The following CHIC1 variants were observed in gnomAD, a reference collection of about 807,000 sequenced individuals.
The protein encoded by CHIC1 is cysteine rich hydrophobic domain 1.
CHIC1 carries 7 observed loss-of-function variants against 18.5 expected under a neutral mutation model. The ratio of observed to expected loss-of-function variants is 0.38; its 90% CI spans 0.22 to 0.71. The LOEUF (loss-of-function observed/expected upper bound fraction) is 0.71. Among genes scored for constraint, CHIC1 ranks in the 30% least tolerant of loss-of-function variants. The pLI, the probability that CHIC1 is intolerant of heterozygous loss-of-function variation, is 0.49. For missense variants in CHIC1, 159 were observed against 176.9 expected (o/e 0.90, Z 0.57); for synonymous variants, 77 against 73.5 (o/e 1.05, Z -0.25).
chrX:73,577,285 G>A, intron 1 of CHIC1, 122 bp from the exon 2 acceptor site: 1 of 425,341 alleles, frequency 2.4e-6, no homozygotes, highest in Non-Finnish European at 3.9e-6. Context: ...AAATTTTTCA[G>A]GGCACATTTT....
intron 3 of CHIC1, among the ~76,000 whole-genome samples, chrX:73,613,642 A>G: frequency 8.9e-6 from 1 of 111,937 alleles, no homozygotes; most frequent in Non-Finnish European, 1.9e-5. Context: ...AGCAACACAA[A>G]TTGACTGGGA....
At chrX:73,665,005 C>T (rs1450011509) in intron 3 of CHIC1, among the ~76,000 whole-genome samples, 4 of 112,145 alleles carry the variant, frequency 3.6e-5, no homozygotes, top group African/African-American at 6.5e-5. Flanking sequence ...TGCTTTTTAT[C>T]TTTTTATAAA....
At chrX:73,595,864 A>G (rs187905304) in intron 3 of CHIC1, among the ~76,000 whole-genome samples, 21 of 111,458 alleles carry the variant, frequency 1.9e-4, no homozygotes, top group African/African-American at 5.5e-4. Context: ...AATGATCACC[A>G]TTCTAACTGG....
chrX:73,598,536 G>A (rs1262062289), intron 3 of CHIC1, among the ~76,000 whole-genome samples: 1 of 88,346 alleles, frequency 1.1e-5, no homozygotes, highest in African/African-American at 4.5e-5. Context: ...CTGTGTCCAT[G>A]TAATCTCATT....
intron 3 of CHIC1, among the ~76,000 whole-genome samples, chrX:73,651,594 C>T (rs745875161): frequency 3.1e-4 from 34 of 110,711 alleles, no homozygotes; most frequent in Non-Finnish European, 1.3e-4. Flanking sequence ...AATAGACAAG[C>T]AGAAAGCCAA....
intron 3 of CHIC1, among the ~76,000 whole-genome samples, chrX:73,675,391 C>G (rs941818195): frequency 1.8e-5 from 2 of 111,569 alleles, no homozygotes; most frequent in African/African-American, 6.5e-5. Context: ...TCACTAAGGA[C>G]TTGATTTATG....
intron 3 of CHIC1, among the ~76,000 whole-genome samples, chrX:73,585,615 C>A (rs1376292191): frequency 9.0e-6 from 1 of 111,310 alleles, no homozygotes; most frequent in Non-Finnish European, 1.9e-5. Context: ...CCTACCCATC[C>A]CTATTATTTT....
chrX:73,657,339 G>A (rs763846034), intron 3 of CHIC1, among the ~76,000 whole-genome samples: 6 of 111,354 alleles, frequency 5.4e-5, no homozygotes, highest in African/African-American at 9.8e-5. Flanking sequence ...GATTACAGGC[G>A]TGAGCCACTG....
chrX:73,597,579 A>G (rs1041827585), intron 3 of CHIC1, among the ~76,000 whole-genome samples: 4 of 106,343 alleles, frequency 3.8e-5, no homozygotes, highest in Admixed American at 1.0e-4. Flanking sequence ...AATTATATAT[A>G]TACATATATA....
chrX:73,597,283 T>C (rs748522261), intron 3 of CHIC1, among the ~76,000 whole-genome samples: 1 of 111,796 alleles, frequency 8.9e-6, no homozygotes, highest in East Asian at 2.8e-4. Context: ...CATTTGTATG[T>C]CTTTTTTGAA....
upstream of CHIC1, chrX:73,563,184 A>AC (rs1391915132): frequency 4.0e-5 from 31 of 777,370 alleles, no homozygotes; most frequent in Non-Finnish European, 4.4e-5. Flanking sequence ...CTGTCCCTAC[A>AC]CCCCTCCTCT....
chrX:73,574,338 T>G (rs2057486153), intron 1 of CHIC1, among the ~76,000 whole-genome samples: 1 of 110,641 alleles, frequency 9.0e-6, no homozygotes, highest in Non-Finnish European at 1.9e-5. Context: ...CTAGTATTTT[T>G]TTGAGGATGT....
chrX:73,599,248 G>A (rs1603341993), intron 3 of CHIC1, among the ~76,000 whole-genome samples: 2 of 107,757 alleles, frequency 1.9e-5, no homozygotes, highest in South Asian at 4.0e-4. Flanking sequence ...TGTCAGATGA[G>A]TAGGTTGCAA....
intron 1 of CHIC1, among the ~76,000 whole-genome samples, chrX:73,571,444 A>G (rs2057470359): frequency 8.9e-6 from 1 of 111,833 alleles, no homozygotes; most frequent in Non-Finnish European, 1.9e-5. Flanking sequence ...AATAGATTTA[A>G]ATGAAATATT....
At chrX:73,679,568 A>G (rs1659067301) in intron 4 of CHIC1, 86 bp from the exon 5 acceptor site, 3 of 651,051 alleles carry the variant, frequency 4.6e-6, no homozygotes, top group Non-Finnish European at 6.8e-6. Flanking sequence ...CTTTTCCTGG[A>G]TTGTTTTCAG....
At chrX:73,574,887 G>A (rs757129290) in intron 1 of CHIC1, among the ~76,000 whole-genome samples, 3 of 109,269 alleles carry the variant, frequency 2.7e-5, no homozygotes, top group South Asian at 7.7e-4. Context: ...TGATTTCATC[G>A]ATTCTTTGTA....
At chrX:73,629,182 T>C (rs922749384) in intron 3 of CHIC1, among the ~76,000 whole-genome samples, 1 of 111,644 alleles carries the variant, frequency 9.0e-6, no homozygotes, top group Non-Finnish European at 1.9e-5. Flanking sequence ...TTTTCTTTCA[T>C]GATGTTCTTA....
intron 3 of CHIC1, among the ~76,000 whole-genome samples, chrX:73,673,235 T>C (rs1238321845): frequency 9.0e-6 from 1 of 111,708 alleles, no homozygotes; most frequent in East Asian, 2.8e-4. Context: ...ATGCGGGCTC[T>C]TTTTTGGTTC....
At chrX:73,625,435 G>A (rs943894419) in intron 3 of CHIC1, among the ~76,000 whole-genome samples, 2 of 111,782 alleles carry the variant, frequency 1.8e-5, no homozygotes, top group Non-Finnish European at 3.8e-5. Flanking sequence ...TGGGGAAGGC[G>A]AAGAGCTCAG....
Sources: allele counts gnomAD v4.1 joint callset (sites outside exome capture counted in the v4.1 genomes callset), GRCh38; gene constraint gnomAD v4.1.1; transcripts MANE v1.5; gene names NCBI Gene and HGNC (gene_info 2026-07-23, HGNC 2026-07-21).